The following GAD2 variants were observed in gnomAD, a reference collection of about 807,000 sequenced individuals.
GAD2 encodes the protein glutamate decarboxylase 2.
Under a neutral mutation model 80.1 loss-of-function variants are expected in GAD2, and 22 were observed. The ratio of observed to expected loss-of-function variants is 0.27; its 90% CI spans 0.20 to 0.39. The LOEUF (loss-of-function observed/expected upper bound fraction) is 0.39, where lower values mean the gene tolerates loss of function less well. Among genes scored for constraint, GAD2 ranks in the 10% least tolerant of loss-of-function variants. The pLI is 1.00. For synonymous variants in GAD2, 274 were observed against 256.9 expected (o/e 1.07, Z -0.64); for missense variants, 624 against 738.4 (o/e 0.85, Z 1.80).
intron 8 of GAD2, among the ~76,000 whole-genome samples, chr10:26,260,961 C>G (rs548748337): frequency 6.6e-6 from 1 of 152,138 alleles, no homozygotes; most frequent in African/African-American, 2.4e-5. Context: ...TTGACAGACA[C>G]AGGCATGCAG....
At chr10:26,264,406 T>A (rs2132300776) in intron 8 of GAD2, among the ~76,000 whole-genome samples, 1 of 151,952 alleles carries the variant, frequency 6.6e-6, no homozygotes, top group South Asian at 2.1e-4. Context: ...GCCTTCGTGT[T>A]CAGACCATTC....
At chr10:26,244,456 G>A (rs1040300485) in intron 7 of GAD2, among the ~76,000 whole-genome samples, 6 of 152,146 alleles carry the variant, frequency 3.9e-5, no homozygotes, top group African/African-American at 1.2e-4. Flanking sequence ...AGCATTATTC[G>A]CAATAGCCAA....
rs564809519 is a variant in GAD2 at position 26,284,040 on chromosome 10, T to C, written c.1237-2305T>C. ...AGGGGAGGAGATTAAATAGAGAGAT[T>C]GGACAGCCACTTATTAGTAAGGGTG... On this transcript the variant is annotated intron_variant, in intron 12 of 15. Coordinates refer to ENST00000376261, the MANE Select transcript of GAD2 (RefSeq NM_001134366.2). 2.7e-4 allele frequency among the ~76,000 whole-genome samples: 41 copies of C among 152,320 alleles called. 1 individual carries two copies. Among genetic ancestry groups the C allele is most frequent in the African/African-American group, 9.9e-4 (41 of 41,560 alleles).
chr10:26,250,877 C>CTTTTTTTTTTTT (rs1181428173), intron 8 of GAD2, among the ~76,000 whole-genome samples: 1 of 112,952 alleles, frequency 8.9e-6, no homozygotes, highest in South Asian at 3.0e-4. Context: ...GTTTTTTTTC[C>CTTTTTTTTTTTT]TTTTTTTTTT....
chr10:26,231,805 C>A (rs948989845), intron 7 of GAD2, among the ~76,000 whole-genome samples: 1 of 152,114 alleles, frequency 6.6e-6, no homozygotes, highest in African/African-American at 2.4e-5. Flanking sequence ...TTTTTTGGTT[C>A]ATCTTCAGAA....
chr10:26,236,911 A>T (rs905197466), intron 7 of GAD2, among the ~76,000 whole-genome samples: 1 of 152,156 alleles, frequency 6.6e-6, no homozygotes, highest in African/African-American at 2.4e-5. Flanking sequence ...ACCTCCTCTC[A>T]GGAAAGAACC....
chr10:26,244,247 A>T (rs1844778882), intron 7 of GAD2, among the ~76,000 whole-genome samples: 1 of 152,234 alleles, frequency 6.6e-6, no homozygotes, highest in Admixed American at 6.5e-5. Context: ...GTTGGTGAGG[A>T]TGTGGAGAAA....
At chr10:26,229,915 A>C in intron 7 of GAD2, 138 bp downstream of exon 7, 1 of 644,478 alleles carries the variant, frequency 1.6e-6, no homozygotes, top group Non-Finnish European at 2.7e-6. Flanking sequence ...GAGAAAGCTG[A>C]GTGGTACTAT....
At chr10:26,231,422 C>T (rs576242088) in intron 7 of GAD2, among the ~76,000 whole-genome samples, 1 of 152,304 alleles carries the variant, frequency 6.6e-6, no homozygotes, top group East Asian at 1.9e-4. Flanking sequence ...GATTGGAAAT[C>T]AGTGGATACA....
chr10:26,234,104 A>G (rs1844640676), intron 7 of GAD2, among the ~76,000 whole-genome samples: 1 of 152,100 alleles, frequency 6.6e-6, no homozygotes. Context: ...CAGGAGGATT[A>G]CTTGAGGTCA....
At chr10:26,261,147 A>G (rs1845005148) in intron 8 of GAD2, among the ~76,000 whole-genome samples, 1 of 152,128 alleles carries the variant, frequency 6.6e-6, no homozygotes. Context: ...CTGCTTTTTT[A>G]TTTCATCTGT....
chr10:26,273,988 A>T (rs564415187), intron 11 of GAD2, among the ~76,000 whole-genome samples: 2 of 152,196 alleles, frequency 1.3e-5, no homozygotes, highest in Admixed American at 6.5e-5. Flanking sequence ...TATTCCTGGG[A>T]TCTCTGAACC....
intron 15 of GAD2, among the ~76,000 whole-genome samples, chr10:26,293,193 T>TTTTTTTC (rs869296197): frequency 3.2e-4 from 44 of 137,304 alleles, no homozygotes; most frequent in East Asian, 6.5e-4. Context: ...TTTTTTTTTT[T>TTTTTTTC]TTGAGATGGA....
chr10:26,229,594 G>T, intron 6 of GAD2, 68 bp from the exon 7 acceptor site: 1 of 1,098,876 alleles, frequency 9.1e-7, no homozygotes, highest in Non-Finnish European at 1.4e-6. Flanking sequence ...TGGAAATAAG[G>T]AATGTTGCTT....
At chr10:26,293,435 C>G (rs1834240972) in intron 15 of GAD2, among the ~76,000 whole-genome samples, 1 of 152,134 alleles carries the variant, frequency 6.6e-6, no homozygotes, top group Non-Finnish European at 1.5e-5. Flanking sequence ...ACCTTGGCCT[C>G]CCAAAGTGCT....
intron 8 of GAD2, among the ~76,000 whole-genome samples, chr10:26,262,161 G>A (rs1239062802): frequency 6.6e-6 from 1 of 151,866 alleles, no homozygotes; most frequent in East Asian, 1.9e-4. Context: ...AGTTTAAAGA[G>A]CATTATATGT....
chr10:26,299,069 C>T (rs2132324909), intron 15 of GAD2, among the ~76,000 whole-genome samples: 1 of 152,240 alleles, frequency 6.6e-6, no homozygotes. Flanking sequence ...CAGAAGATCT[C>T]AATGCTGGAA....
At chr10:26,266,667 G>A (rs2132302337) in intron 8 of GAD2, among the ~76,000 whole-genome samples, 1 of 152,282 alleles carries the variant, frequency 6.6e-6, no homozygotes, top group South Asian at 2.1e-4. Flanking sequence ...GTGAACACTT[G>A]GAGTTCATGG....
chr10:26,299,009 C>T (rs955548198), intron 15 of GAD2, among the ~76,000 whole-genome samples: 4 of 152,292 alleles, frequency 2.6e-5, no homozygotes, highest in African/African-American at 9.6e-5. Context: ...AGAAACATTC[C>T]TCCCCATGGA....
Sources: allele counts gnomAD v4.1 joint callset (sites outside exome capture counted in the v4.1 genomes callset), GRCh38; gene constraint gnomAD v4.1.1; transcripts MANE v1.5; gene names NCBI Gene and HGNC (gene_info 2026-07-23, HGNC 2026-07-21).